Variants in CA5A observed in about 807,000 individuals in gnomAD.
The protein encoded by CA5A is carbonic anhydrase 5A, mitochondrial.
CA5A carries 28 observed loss-of-function variants against 37.1 expected under a neutral mutation model. The observed-to-expected ratio is 0.75, with a 90% CI of 0.56 to 1.03. The LOEUF (loss-of-function observed/expected upper bound fraction) is 1.03. Ranked by LOEUF, CA5A falls within the 50% of genes least tolerant of loss-of-function variation. The probability of loss-of-function intolerance (pLI) is 0.00; values close to 1 mark genes in which losing one functional copy is unlikely to be tolerated. For missense variants in CA5A, 444 were observed against 399.9 expected, an observed-to-expected ratio of 1.11 and a Z score of -0.94; for synonymous variants, 171 against 158.4, an observed-to-expected ratio of 1.08 and a Z score of -0.60.
intron 2 of CA5A, chr16:87,924,213 T>G (rs1003387079): frequency 3.0e-6 from 3 of 985,278 alleles, no homozygotes; most frequent in Admixed American, 6.1e-5. Context: ...TTGGCTGGAG[T>G]TGGGGTTACT....
chr16:87,913,765 G>T lies in CA5A; in HGVS notation c.341-8861C>A, dbSNP rs1178269119. Among the ~76,000 whole-genome samples the T allele has an allele frequency of 3.3e-5, 5 of 151,922 alleles. No individual in the cohort carries two copies. In the East Asian group the frequency reaches 9.7e-4, roughly 29 times the overall value. Reference sequence around the variant, plus strand: ...CAGTGACTGACTCGTCCCCGGTCTTGCACACACCTGGGGAGCGTAGCTGGC... The same window carrying T: ...CAGTGACTGACTCGTCCCCGGTCTTTCACACACCTGGGGAGCGTAGCTGGC... On this transcript the variant is annotated intron_variant, in intron 2 of 6. Transcript: ENST00000649794.
At chr16:87,920,712 A>T (rs1361704350) in intron 2 of CA5A, among the ~76,000 whole-genome samples, 3 of 151,756 alleles carry the variant, frequency 2.0e-5, no homozygotes, top group African/African-American at 7.3e-5. Flanking sequence ...TCCGCCTCCC[A>T]GGTTCAAGCA....
rs192748591 is a variant in CA5A, at chr16:87,934,542, C to T, written c.142+1767G>A. Among the ~76,000 whole-genome samples, 640 of 152,144 alleles carry T rather than the reference C, an allele frequency of 4.2e-3. 2 individuals carry two copies. The highest frequency in any genetic ancestry group is 7.0e-3 in the Non-Finnish European group (479 of 67,976). ...GGAGATCGCACCACTGCGCTCCAGC[C>T]TGGGCAACAAGACAGAAATTAGTCT... On this transcript the variant is annotated intron_variant, in intron 1 of 6. Transcript: ENST00000649794.
At chr16:87,893,760 A>G (rs532286810) in intron 5 of CA5A, 2 of 446,474 alleles carry the variant, frequency 4.5e-6, no homozygotes, top group Non-Finnish European at 8.7e-6. Flanking sequence ...ATTATTTTGC[A>G]TTGAATACAC....
chr16:87,916,609 G>A (rs779222053), intron 2 of CA5A, among the ~76,000 whole-genome samples: 12 of 152,098 alleles, frequency 7.9e-5, no homozygotes, highest in East Asian at 5.8e-4. Flanking sequence ...GTACATATTC[G>A]TTTATTTTTC....
intron 2 of CA5A, chr16:87,924,249 A>G (rs1435097386): frequency 1.0e-6 from 1 of 985,326 alleles, no homozygotes; most frequent in African/African-American, 1.7e-5. Context: ...CAAGCCCCAC[A>G]CGGGAAGCAT....
At chr16:87,896,005 G>C (rs2055797180) in intron 5 of CA5A, among the ~76,000 whole-genome samples, 1 of 152,224 alleles carries the variant, frequency 6.6e-6, no homozygotes, top group Non-Finnish European at 1.5e-5. Flanking sequence ...TAACAGGCGG[G>C]TGTGCAGTGA....
intron 2 of CA5A, among the ~76,000 whole-genome samples, chr16:87,906,840 T>C (rs2055968503): frequency 6.6e-6 from 1 of 152,162 alleles, no homozygotes; most frequent in Non-Finnish European, 1.5e-5. Context: ...AAATCTTCTA[T>C]TCTCCTTAAA....
At position 87,888,085 on chromosome 16, in the gene CA5A, C is replaced by T. The variant is rs761133912; in HGVS notation, c.*44G>A. 3.9e-6 allele frequency: 6 copies of T among 1,539,096 alleles called. No individual in the cohort carries two copies. The highest frequency in any genetic ancestry group is 5.3e-6 in the Non-Finnish European group (6 of 1,139,936). On this transcript the variant is annotated 3_prime_UTR_variant, in exon 7 of 7. Coordinates refer to ENST00000649794, the MANE Select transcript of CA5A (RefSeq NM_001739.2). ...TGTGAAACTTGGGAAACAACGCTTCCTTCCTTCAAAGTCAGTTCTGCTATT... is the reference window on the plus strand; with the variant it reads ...TGTGAAACTTGGGAAACAACGCTTCTTTCCTTCAAAGTCAGTTCTGCTATT...
chr16:87,915,373 A>T (rs2056121981), intron 2 of CA5A, among the ~76,000 whole-genome samples: 1 of 152,134 alleles, frequency 6.6e-6, no homozygotes. Flanking sequence ...AACGATGTTT[A>T]CAAAGGAAAA....
chr16:87,917,198 C>G (rs2056158433), intron 2 of CA5A, among the ~76,000 whole-genome samples: 1 of 151,958 alleles, frequency 6.6e-6, no homozygotes, highest in African/African-American at 2.4e-5. Flanking sequence ...CACTGCCTGA[C>G]ATTTTGTCCA....
chr16:87,921,878 A>ATT (rs201967069), intron 2 of CA5A, among the ~76,000 whole-genome samples: 4,467 of 149,522 alleles, frequency 0.03, 217 homozygotes, highest in African/African-American at 0.1. Context: ...TATTATTATT[A>ATT]TTTTTGAGAG....
chr16:87,895,529 G>C (rs1173636944), intron 5 of CA5A, among the ~76,000 whole-genome samples: 2 of 152,192 alleles, frequency 1.3e-5, no homozygotes, highest in Non-Finnish European at 2.9e-5. Context: ...TGGGCAACAA[G>C]AGTGAAACTC....
At position 87,890,170 on chromosome 16, in the gene CA5A, T is replaced by C. The variant is rs563528274; in HGVS notation, c.774+1629A>G. ...GACACCGGCCACCCTGGCTTAATACTATTGGCTTCGTTTCTACTTTCCTGC... is the reference window on the plus strand; with the variant it reads ...GACACCGGCCACCCTGGCTTAATACCATTGGCTTCGTTTCTACTTTCCTGC... On this transcript the variant is annotated intron_variant, in intron 6 of 6. Transcript: ENST00000649794. Among the ~76,000 whole-genome samples, 4 of 152,348 alleles carry C rather than the reference T, an allele frequency of 2.6e-5. No homozygotes were observed. The South Asian group carries it at 8.3e-4, about 32-fold the overall frequency.
At chr16:87,916,007 C>T (rs2144021327) in intron 2 of CA5A, among the ~76,000 whole-genome samples, 1 of 151,940 alleles carries the variant, frequency 6.6e-6, no homozygotes, top group East Asian at 1.9e-4. Flanking sequence ...AAAGGCAGGT[C>T]TTGCATGGGG....
intron 1 of CA5A, among the ~76,000 whole-genome samples, chr16:87,933,661 CA>C (rs1420138336): frequency 1.3e-5 from 2 of 152,048 alleles, no homozygotes; most frequent in African/African-American, 4.8e-5. Context: ...GCTGGGATTA[CA>C]GGTGTGAGCC....
intron 2 of CA5A, among the ~76,000 whole-genome samples, chr16:87,916,209 A>G (rs955161263): frequency 2.0e-5 from 3 of 150,846 alleles, no homozygotes; most frequent in Admixed American, 6.6e-5. Context: ...GGCTGAGTGC[A>G]GTGGCTCACG....
chr16:87,888,590 T>A (rs557929173), intron 6 of CA5A, among the ~76,000 whole-genome samples: 30 of 152,294 alleles, frequency 2.0e-4, no homozygotes, highest in Admixed American at 1.0e-3. Context: ...ACTTGCTAGC[T>A]ACTCGAGAGG....
intron 3 of CA5A, among the ~76,000 whole-genome samples, chr16:87,902,775 G>C (rs546542682): frequency 6.6e-6 from 1 of 152,050 alleles, no homozygotes; most frequent in Non-Finnish European, 1.5e-5. Flanking sequence ...AGCTGGGCGT[G>C]GTGGCGGGAG....
Sources: gnomAD v4.1 joint callset for allele counts (sites outside exome capture counted in the v4.1 genomes callset) on GRCh38, gnomAD v4.1.1 for gene constraint, MANE v1.5 for transcripts, NCBI Gene and HGNC (gene_info 2026-07-23, HGNC 2026-07-21) for gene names.